Variants in ZFYVE28 observed in about 807,000 individuals in gnomAD.
The protein encoded by ZFYVE28 is zinc finger FYVE-type containing 28, also known as lateral signaling target protein 2 homolog.
ZFYVE28 carries 40 observed loss-of-function variants against 82.1 expected under a neutral mutation model. The ratio of observed to expected loss-of-function variants is 0.49; its 90% CI spans 0.38 to 0.63. The LOEUF is 0.63. Ranked by LOEUF, ZFYVE28 falls within the 30% of genes least tolerant of loss-of-function variation. The pLI, the probability that ZFYVE28 is intolerant of heterozygous loss-of-function variation, is 0.00. For synonymous variants in ZFYVE28, 612 were observed against 546.1 expected (o/e 1.12, Z -1.68); for missense variants, 1,321 against 1,242.1 (o/e 1.06, Z -0.96).
chr4:2,395,927 G>A (rs1000267942), intron 1 of ZFYVE28, among the ~76,000 whole-genome samples: 1 of 152,166 alleles, frequency 6.6e-6, no homozygotes, highest in Non-Finnish European at 1.5e-5. Context: ...ATTGTGGGAT[G>A]GCTAGCAGCA....
At chr4:2,401,162 C>T (rs769174527) in intron 1 of ZFYVE28, among the ~76,000 whole-genome samples, 20 of 152,322 alleles carry the variant, frequency 1.3e-4, no homozygotes, top group Non-Finnish European at 2.5e-4. Context: ...GAAACATTTG[C>T]TCCATGGAAC....
intron 1 of ZFYVE28, among the ~76,000 whole-genome samples, chr4:2,371,360 G>A (rs866732463): frequency 1.8e-4 from 28 of 152,280 alleles, no homozygotes; most frequent in Middle Eastern, 6.8e-3. Flanking sequence ...AAAGGTGCCC[G>A]CCACTAACAG....
rs1715406146 is a variant in ZFYVE28, at chr4:2,300,877, C to T, written c.2051+3412G>A. ...AGGGGCGTCTGCCGGGCGAGCGGGT[C>T]TCACGGCCAAACAGGCCCGGGCTCT... On this transcript the variant is annotated intron_variant, in intron 8 of 12. Transcript: ENST00000290974. The surrounding 1 kb of genome is among the most constrained non-coding windows in gnomAD (Gnocchi z 4.6). Among the ~76,000 whole-genome samples, 1 of 152,224 alleles carries T rather than the reference C, an allele frequency of 6.6e-6. No individual in the cohort carries two copies. Among genetic ancestry groups the T allele is most frequent in the Admixed American group, 6.5e-5 (1 of 15,280 alleles).
chr4:2,271,744 A>C lies in ZFYVE28; in HGVS notation c.2359T>G (p.Cys787Gly). ...GACAGGGTCTCCTGGCACAGTGCAC[A>C]GTCCTCCAAGGCCGCACTCCGCAGA... is the stretch of plus-strand genomic sequence containing the variant. ...QTLRSAALED[C>G]ALCQETLSSS... is the part of the protein sequence containing the mutation. The change falls in exon 11 of 13, where the codon TGT becomes GGT. Residue 787 changes from cysteine to glycine, a missense_variant. Coordinates refer to ENST00000290974, the MANE Select transcript of ZFYVE28 (RefSeq NM_020972.3). The C allele has an allele frequency of 6.2e-7, 1 of 1,613,840 alleles. No homozygotes were observed. The highest frequency in any genetic ancestry group is 1.1e-5 in the South Asian group (1 of 91,092).
chr4:2,395,410 T>C (rs1195555158), intron 1 of ZFYVE28, among the ~76,000 whole-genome samples: 1 of 152,190 alleles, frequency 6.6e-6, no homozygotes, highest in Non-Finnish European at 1.5e-5. Flanking sequence ...CACTGCTCCA[T>C]CCAATTAGGC....
rs930232218 is a variant in ZFYVE28 at position 2,416,055 on chromosome 4, C to T, written c.39+2230G>A. On this transcript the variant is annotated intron_variant, in intron 1 of 12. Coordinates refer to ENST00000290974, the MANE Select transcript of ZFYVE28 (RefSeq NM_020972.3). This position sits in a 1 kb window ranked among gnomAD's most constrained non-coding sequence, Gnocchi z 4.6. Reference sequence around the variant, plus strand: ...CATCAATCCTGTTCCATCCCTTCTCCGGAGGCACACAGCTCTGGGCTGATC... The same window carrying T: ...CATCAATCCTGTTCCATCCCTTCTCTGGAGGCACACAGCTCTGGGCTGATC... Among the ~76,000 whole-genome samples, 5 of 152,194 alleles carry T rather than the reference C, an allele frequency of 3.3e-5. No individual in the cohort carries two copies. Among genetic ancestry groups the T allele is most frequent in the Admixed American group, 2.0e-4 (3 of 15,280 alleles).
At chr4:2,280,831 G>A (rs1453068276) in intron 8 of ZFYVE28, among the ~76,000 whole-genome samples, 1 of 152,212 alleles carries the variant, frequency 6.6e-6, no homozygotes, top group African/African-American at 2.4e-5. Flanking sequence ...CCAGCCCCTT[G>A]GACCAACACC....
chr4:2,270,544 C>T lies in ZFYVE28; in HGVS notation c.*181G>A. ...CCTCTTGTTGGCCCCTGCAGCCGGCCCGGGGTCCCTGCAGGGAGGCTAGCG... is the reference window on the plus strand; with the variant it reads ...CCTCTTGTTGGCCCCTGCAGCCGGCTCGGGGTCCCTGCAGGGAGGCTAGCG... On this transcript the variant is annotated 3_prime_UTR_variant, in exon 13 of 13. Coordinates refer to ENST00000290974, the MANE Select transcript of ZFYVE28 (RefSeq NM_020972.3). 2.2e-6 allele frequency: 2 copies of T among 905,460 alleles called. No homozygotes were observed. Among genetic ancestry groups the T allele is most frequent in the Non-Finnish European group, 3.3e-6 (2 of 610,804 alleles). The allele number at this position is 905,460 out of a possible 1,614,324, so 56.1% of individuals were successfully genotyped here. A position where few individuals can be genotyped will look rare whatever the true frequency, so the allele number is the denominator to read the frequency against.
chr4:2,302,223 A>G (rs1186726101), intron 8 of ZFYVE28, among the ~76,000 whole-genome samples: 1 of 152,216 alleles, frequency 6.6e-6, no homozygotes, highest in Non-Finnish European at 1.5e-5. Flanking sequence ...ACTATAAAAC[A>G]TTCTTCAACT....
At chr4:2,310,823 GA>G (rs566351370) in intron 7 of ZFYVE28, among the ~76,000 whole-genome samples, 1 of 152,114 alleles carries the variant, frequency 6.6e-6, no homozygotes, top group South Asian at 2.1e-4. Context: ...AAAAAAGTTA[GA>G]AAATGTCTTT....
intron 2 of ZFYVE28, among the ~76,000 whole-genome samples, chr4:2,344,160 A>T (rs1723191592): frequency 6.6e-6 from 1 of 152,234 alleles, no homozygotes; most frequent in African/African-American, 2.4e-5. Context: ...GAACCAAGGC[A>T]GTTAGGATTC....
intron 1 of ZFYVE28, among the ~76,000 whole-genome samples, chr4:2,363,961 G>A (rs781329492): frequency 2.6e-5 from 4 of 152,180 alleles, no homozygotes; most frequent in Admixed American, 6.5e-5. Flanking sequence ...CCTGCCTGAC[G>A]GTGGAAGACT....
At chr4:2,334,351 T>G (rs116477853) in intron 6 of ZFYVE28, among the ~76,000 whole-genome samples, 4 of 151,892 alleles carry the variant, frequency 2.6e-5, no homozygotes, top group African/African-American at 9.7e-5. Context: ...CAGCCCCCAT[T>G]GCTCCCCACT....
At chr4:2,403,041 C>T (rs1438716346) in intron 1 of ZFYVE28, among the ~76,000 whole-genome samples, 2 of 152,244 alleles carry the variant, frequency 1.3e-5, no homozygotes, top group Non-Finnish European at 2.9e-5. Flanking sequence ...AGTCAAAGTG[C>T]AATGCTGACC....
At chr4:2,307,783 A>G (rs773915861) in intron 7 of ZFYVE28, among the ~76,000 whole-genome samples, 5 of 151,930 alleles carry the variant, frequency 3.3e-5, no homozygotes, top group Admixed American at 6.5e-5. Flanking sequence ...ATGAGCCACC[A>G]TGCCTGGATT....
In ZFYVE28 at chr4:2,298,536, GC is replaced by G. The variant is rs1715005715; in HGVS notation, c.2051+5752del. 3.3e-5 allele frequency among the ~76,000 whole-genome samples: 5 copies of G among 152,182 alleles called. 1 individual carries two copies. The South Asian group carries it at 1.0e-3, about 31-fold the overall frequency. On this transcript the variant is annotated intron_variant, in intron 8 of 12. Coordinates refer to ENST00000290974, the MANE Select transcript of ZFYVE28 (RefSeq NM_020972.3). Reference sequence around the variant, plus strand: ...AGTTCCGGAAGGAAGGCGCACACAGGCGGGGCATGTGCCACAGGGTTGGGGC... The same window carrying G: ...AGTTCCGGAAGGAAGGCGCACACAGGGGGGCATGTGCCACAGGGTTGGGGC...
At chr4:2,330,871 C>T (rs372921921) in intron 6 of ZFYVE28, 2 of 1,532,534 alleles carry the variant, frequency 1.3e-6, no homozygotes, top group East Asian at 2.5e-5. Context: ...CTGGTGTGGG[C>T]ACGGTGCAGG....
Position 2,335,312 on chromosome 4 carries a change from C to T in ZFYVE28, c.701+393G>A, listed in dbSNP as rs2108853879. ...CTGAGGGACCCGGGGGGCAGCTCGT[C>T]CTCTTGTTACCACCAAGTCTGCCTC... On this transcript the variant is annotated intron_variant, in intron 6 of 12. Coordinates refer to ENST00000290974, the MANE Select transcript of ZFYVE28 (RefSeq NM_020972.3). The surrounding 1 kb of genome is among the most constrained non-coding windows in gnomAD (Gnocchi z 5.8). 6.6e-6 allele frequency among the ~76,000 whole-genome samples: 1 copy of T among 152,284 alleles called. No homozygotes were observed. Among genetic ancestry groups the T allele is most frequent in the Admixed American group, 6.5e-5 (1 of 15,292 alleles).
At position 2,300,114 on chromosome 4, in the gene ZFYVE28, C is replaced by G. The variant is rs1221965338; in HGVS notation, c.2051+4175G>C. Reference sequence around the variant, plus strand: ...ACCCAGACTTTCCTTCTTATGTTTTCCAAAGTTTCTACAATGAACAGGGAC... The same window carrying G: ...ACCCAGACTTTCCTTCTTATGTTTTGCAAAGTTTCTACAATGAACAGGGAC... On this transcript the variant is annotated intron_variant, in intron 8 of 12. Coordinates refer to ENST00000290974, the MANE Select transcript of ZFYVE28 (RefSeq NM_020972.3). This position sits in a 1 kb window ranked among gnomAD's most constrained non-coding sequence, Gnocchi z 4.6. 6.6e-6 allele frequency among the ~76,000 whole-genome samples: 1 copy of G among 152,150 alleles called. No homozygotes were observed. Among genetic ancestry groups the G allele is most frequent in the East Asian group, 1.9e-4 (1 of 5,196 alleles).
Sources: gnomAD v4.1 joint callset for allele counts (sites outside exome capture counted in the v4.1 genomes callset) on GRCh38, gnomAD v4.1.1 for gene constraint, Gnocchi (gnomAD v3.1) non-coding constraint, MANE v1.5 for transcripts, NCBI Gene and HGNC (gene_info 2026-07-23, HGNC 2026-07-21) for gene names.